HMGXB3: variants seen among roughly 807,000 people sequenced by gnomAD.
HMGXB3 encodes HMG domain-containing protein 3.
A neutral mutation model predicts 121.5 loss-of-function variants in HMGXB3; 45 were observed. The observed-to-expected ratio is 0.37, with a 90% CI of 0.29 to 0.47. The LOEUF (loss-of-function observed/expected upper bound fraction) is 0.47. HMGXB3 is among the 20% of genes least tolerant of loss of function. The probability of loss-of-function intolerance (pLI) is 0.99; values close to 1 mark genes in which losing one functional copy is unlikely to be tolerated. For synonymous variants in HMGXB3, 590 were observed against 624.1 expected, an observed-to-expected ratio of 0.95 and a Z score of 0.81; for missense variants, 1,376 against 1,602.2, an observed-to-expected ratio of 0.86 and a Z score of 2.41.
At chr5:150,004,011 CTT>C (rs538674187) in intron 1 of HMGXB3, among the ~76,000 whole-genome samples, 3 of 142,140 alleles carry the variant, frequency 2.1e-5, no homozygotes, top group Admixed American at 7.0e-5. Context: ...TGACTATTTT[CTT>C]TTTTTTTTTT....
Position 150,036,685 on chromosome 5 carries a change from G to A in HMGXB3, c.2033G>A (p.Ser678Asn), listed in dbSNP as rs1026801235. ...PDVLNATEPL[S>N]TAQREIQRQS... is the part of the protein sequence containing the mutation. ...GTACTGAATGCCACAGAGCCCCTGA[G>A]CACAGCCCAGAGGGAGATCCAGCGC... Residue 678 changes from serine to asparagine, a missense_variant, in exon 12 of 20, where the codon AGC (serine) becomes AAC (asparagine). Physicochemically the swap from Ser to Asn is conservative, Grantham distance 46. Around this residue, in one of 2 missense-constraint regions of HMGXB3, gnomAD observed 1,116 missense variants for 1,369.0 expected, o/e 0.82. Transcript: ENST00000502717. The A allele has an allele frequency of 7.1e-6, 11 of 1,550,764 alleles. No homozygotes were observed. Among genetic ancestry groups the A allele is most frequent in the Non-Finnish European group, 9.6e-6 (11 of 1,146,990 alleles).
Position 150,018,834 on chromosome 5 carries a change from T to C in HMGXB3, c.1041+137T>C, listed in dbSNP as rs1280338571. ...ATACAAGTAAATCATTTCCATTGTATATAGTTTGTTTAAAAAATACAAAAG... is the reference window on the plus strand; with the variant it reads ...ATACAAGTAAATCATTTCCATTGTACATAGTTTGTTTAAAAAATACAAAAG... On this transcript the variant is annotated intron_variant, in intron 6 of 19. Coordinates refer to ENST00000502717, the MANE Select transcript of HMGXB3 (RefSeq NM_014983.3). 19 of 820,226 alleles carry C rather than the reference T, an allele frequency of 2.3e-5. No homozygotes were observed. The Admixed American group carries it at 6.2e-4, about 27-fold the overall frequency. 50.8% of individuals were successfully genotyped at this position (820,226 alleles called of 1,614,324 possible).
intron 10 of HMGXB3, among the ~76,000 whole-genome samples, chr5:150,031,377 T>C (rs1756374503): frequency 6.6e-6 from 1 of 152,234 alleles, no homozygotes; most frequent in South Asian, 2.1e-4. Flanking sequence ...GGATCACCCT[T>C]TTGTAGGGCA....
At chr5:150,041,428 T>G (rs1335068294) in intron 14 of HMGXB3, among the ~76,000 whole-genome samples, 2 of 152,258 alleles carry the variant, frequency 1.3e-5, no homozygotes, top group Non-Finnish European at 2.9e-5. Context: ...TGCAGTGTGA[T>G]TTTGAGCAAG....
intron 17 of HMGXB3, 55 bp downstream of exon 17, chr5:150,047,812 C>T (rs1326287290): frequency 1.9e-6 from 3 of 1,542,386 alleles, no homozygotes; most frequent in Non-Finnish European, 2.6e-6. Context: ...GCTGATTGGT[C>T]CACTTTTTAG....
chr5:150,014,738 C>T, intron 5 of HMGXB3: 1 of 263,000 alleles, frequency 3.8e-6, no homozygotes, highest in Non-Finnish European at 7.1e-6. Context: ...GAACAAGAGG[C>T]AAAGGCAAGG....
intron 18 of HMGXB3, among the ~76,000 whole-genome samples, chr5:150,049,669 G>T (rs1190683900): frequency 6.6e-6 from 1 of 152,180 alleles, no homozygotes; most frequent in East Asian, 1.9e-4. Context: ...AGATCTTGGG[G>T]GCTGTGATGG....
At chr5:150,032,745 T>C (rs1328936365) in intron 11 of HMGXB3, 142 bp downstream of exon 11, 1 of 976,634 alleles carries the variant, frequency 1.0e-6, no homozygotes, top group Non-Finnish European at 1.5e-6. Flanking sequence ...GTTCTGAACC[T>C]GAGCAAGTGC....
chr5:150,036,931 G>GA lies in HMGXB3; in HGVS notation c.2280dup (p.Gln761ThrfsTer48), dbSNP rs1756514428. On this transcript the variant is annotated frameshift_variant, in exon 12 of 20. Transcript: ENST00000502717. LOFTEE classifies it high-confidence loss of function. ...TGTAGCAGCCCATTATTCAAAGGGG[G>GA]ACAAAAGTAAGCACCCCTTAACTCT... The GA allele has an allele frequency of 6.5e-7, 1 of 1,549,786 alleles. No homozygotes were observed. The highest frequency in any genetic ancestry group is 2.0e-5 in the Admixed American group (1 of 50,884).
chr5:150,027,103 C>A lies in HMGXB3; in HGVS notation c.1720C>A (p.Pro574Thr), dbSNP rs1294230242. The change falls in exon 9 of 20, where the codon CCT becomes ACT. Residue 574 changes from proline to threonine, a missense_variant. Coordinates refer to ENST00000502717, the MANE Select transcript of HMGXB3 (RefSeq NM_014983.3). ...LGQPIQQPSGPGEVKLPSGPS... is the reference protein window; with the variant it reads ...LGQPIQQPSGTGEVKLPSGPS... ...CCAGCCCATTCAACAGCCATCTGGCCCTGGTGAGGTGAAGGTAAGGCCCAT... is the reference window on the plus strand; with the variant it reads ...CCAGCCCATTCAACAGCCATCTGGCACTGGTGAGGTGAAGGTAAGGCCCAT... The A allele has an allele frequency of 1.3e-6, 2 of 1,551,456 alleles. No individual in the cohort carries two copies. Among genetic ancestry groups the A allele is most frequent in the Non-Finnish European group, 1.7e-6 (2 of 1,146,950 alleles).
chr5:150,018,606 G>A lies in HMGXB3; in HGVS notation c.950G>A (p.Ser317Asn). 1 of 1,551,056 alleles carries A rather than the reference G, an allele frequency of 6.4e-7. No individual in the cohort carries two copies. Among genetic ancestry groups the A allele is most frequent in the East Asian group, 2.4e-5 (1 of 40,906 alleles). ...CGCCGGGGCCATGGGACATGCACCA[G>A]CCCAGGGTGCTCCTTTACATATGTC... ...YTRRGHGTCT[S>N]PGCSFTYVTR... Residue 317 changes from serine (S) to asparagine (N), a missense_variant, in exon 6 of 20, where the codon AGC (serine) becomes AAC (asparagine). By Grantham distance (46) the Ser-to-Asn change is conservative. Coordinates refer to ENST00000502717, the MANE Select transcript of HMGXB3 (RefSeq NM_014983.3).
chr5:150,050,839 T>C (rs1756872418), intron 19 of HMGXB3, among the ~76,000 whole-genome samples: 1 of 152,224 alleles, frequency 6.6e-6, no homozygotes, highest in South Asian at 2.1e-4. Context: ...TATCACTTAG[T>C]GTGCCCAGGA....
chr5:150,033,237 A>C (rs1308607385), intron 11 of HMGXB3, among the ~76,000 whole-genome samples: 1 of 152,190 alleles, frequency 6.6e-6, no homozygotes, highest in East Asian at 1.9e-4. Flanking sequence ...AAATGGTGGC[A>C]CTTGAGGCAG....
In HMGXB3 at chr5:150,027,099, T is replaced by C; in HGVS notation, c.1716T>C (p.Ser572=). 1 of 1,551,610 alleles carries C rather than the reference T, an allele frequency of 6.4e-7. No homozygotes were observed. Among genetic ancestry groups the C allele is most frequent in the Non-Finnish European group, 8.7e-7 (1 of 1,146,984 alleles). The change falls in exon 9 of 20, where the codon TCT becomes TCC. Residue 572 remains serine (S), a synonymous_variant. Transcript: ENST00000502717. The stretch of plus-strand genomic sequence containing the variant: ...TGGGCCAGCCCATTCAACAGCCATC[T>C]GGCCCTGGTGAGGTGAAGGTAAGGC... ...KQLGQPIQQP[S]GPGEVKLPSG... is the part of the protein sequence containing the mutation.
chr5:150,042,116 A>T, intron 15 of HMGXB3, 147 bp downstream of exon 15: 1 of 577,266 alleles, frequency 1.7e-6, no homozygotes, highest in South Asian at 2.5e-5. Flanking sequence ...CCAAGATTTC[A>T]TTTAGGGAAT....
In HMGXB3 at chr5:150,044,476, G is replaced by A. The variant is rs73273596; in HGVS notation, c.2731-990G>A. Among the ~76,000 whole-genome samples the A allele has an allele frequency of 3.7e-3, 571 of 152,314 alleles. 4 individuals are homozygous for A. The highest frequency in any genetic ancestry group is 0.013 in the African/African-American group (544 of 41,560). ...AGGAGAGGAGCCTTTATGGGGAGCA[G>A]TGGTTCTTGGACTTTAGTGGGTATA... On this transcript the variant is annotated intron_variant, in intron 15 of 19. Transcript: ENST00000502717.
chr5:150,041,858 C>T lies in HMGXB3; in HGVS notation c.2619C>T (p.Cys873=), dbSNP rs1222177683. 4.5e-6 allele frequency: 7 copies of T among 1,551,534 alleles called. No homozygotes were observed. The highest frequency in any genetic ancestry group is 1.4e-5 in the African/African-American group (1 of 73,034). The change falls in exon 15 of 20, where the codon TGC becomes TGT. Residue 873 remains cysteine (C), a synonymous_variant. Coordinates refer to ENST00000502717, the MANE Select transcript of HMGXB3 (RefSeq NM_014983.3). The part of the protein sequence containing the change: ...LLCNGYWAFE[C]LTVRDYNDMI... Reference sequence around the variant, plus strand: ...GCAATGGCTATTGGGCCTTTGAGTGCCTCACTGTCCGAGACTACAATGACA... The same window carrying T: ...GCAATGGCTATTGGGCCTTTGAGTGTCTCACTGTCCGAGACTACAATGACA...
chr5:150,046,560 C>A (rs1267525339), intron 16 of HMGXB3, among the ~76,000 whole-genome samples: 2 of 152,176 alleles, frequency 1.3e-5, no homozygotes, highest in Non-Finnish European at 2.9e-5. Flanking sequence ...CGCCTGTAAT[C>A]CCAGCACTTT....
At chr5:150,008,726 G>C (rs1318736040) in intron 3 of HMGXB3, among the ~76,000 whole-genome samples, 5 of 152,160 alleles carry the variant, frequency 3.3e-5, no homozygotes, top group African/African-American at 1.2e-4. Context: ...AGGCCTTCCA[G>C]GTTTCTTTGT....
Sources: allele counts gnomAD v4.1 joint callset (sites outside exome capture counted in the v4.1 genomes callset), GRCh38; gene constraint gnomAD v4.1.1; regional missense constraint gnomAD v4.1.1; transcripts MANE v1.5; gene names NCBI Gene and HGNC (gene_info 2026-07-23, HGNC 2026-07-21).